HIKESHI: variants seen among roughly 807,000 people sequenced by gnomAD.
The protein encoded by HIKESHI is heat shock protein nuclear import factor hikeshi, also known as protein Hikeshi.
HIKESHI carries 13 observed loss-of-function variants against 25.7 expected under a neutral mutation model. The ratio of observed to expected loss-of-function variants is 0.51; its 90% confidence interval spans 0.33 to 0.80. The LOEUF is 0.80. Among genes scored for constraint, HIKESHI ranks in the 30% least tolerant of loss-of-function variants. The pLI is 0.02. For synonymous variants in HIKESHI, 76 were observed against 78.7 expected, an observed-to-expected ratio of 0.97 and a Z score of 0.18; for missense variants, 174 against 229.5, an observed-to-expected ratio of 0.76 and a Z score of 1.56.
At chr11:86,344,530 CT>C in intron 3 of HIKESHI, 72 bp from the exon 4 acceptor site, 1 of 911,848 alleles carries the variant, frequency 1.1e-6, no homozygotes, top group Admixed American at 2.6e-5. Context: ...TGTGAGAACA[CT>C]TTTAATTTAA....
At chr11:86,302,628 G>A in intron 1 of HIKESHI, 150 bp downstream of exon 1, 1 of 830,702 alleles carries the variant, frequency 1.2e-6, no homozygotes. Context: ...GGGAAGCTGG[G>A]TGCTCTCCTT....
intron 1 of HIKESHI, among the ~76,000 whole-genome samples, chr11:86,305,790 G>C (rs1946608376): frequency 6.6e-6 from 1 of 150,966 alleles, no homozygotes; most frequent in African/African-American, 2.4e-5. Context: ...GCCCAGGCTG[G>C]AGTGCAATGG....
At chr11:86,318,165 G>A (rs902864862) in intron 2 of HIKESHI, among the ~76,000 whole-genome samples, 32 of 151,490 alleles carry the variant, frequency 2.1e-4, no homozygotes, top group African/African-American at 6.1e-4. Context: ...ATAGCCGGGC[G>A]TGGTGGTGGG....
At chr11:86,335,271 T>C (rs1316712011) in intron 2 of HIKESHI, among the ~76,000 whole-genome samples, 1 of 152,208 alleles carries the variant, frequency 6.6e-6, no homozygotes, top group East Asian at 1.9e-4. Context: ...TGGAAAAGTA[T>C]CTACCTTGGG....
chr11:86,340,004 G>T (rs967375886), intron 3 of HIKESHI, among the ~76,000 whole-genome samples: 2 of 150,228 alleles, frequency 1.3e-5, no homozygotes, highest in Non-Finnish European at 3.0e-5. Flanking sequence ...TGCGGTGTTT[G>T]GTTTTCTGTC....
At chr11:86,319,763 G>C (rs1299442745) in intron 2 of HIKESHI, among the ~76,000 whole-genome samples, 1 of 152,024 alleles carries the variant, frequency 6.6e-6, no homozygotes, top group African/African-American at 2.4e-5. Context: ...GAAACTACTT[G>C]GACTTAGAGG....
At chr11:86,306,031 C>T (rs142868599) in intron 1 of HIKESHI, among the ~76,000 whole-genome samples, 8 of 152,098 alleles carry the variant, frequency 5.3e-5, no homozygotes, top group African/African-American at 1.7e-4. Flanking sequence ...AGGTGTGAGC[C>T]GCTGTGATCT....
chr11:86,341,661 G>A (rs1014129560), intron 3 of HIKESHI, among the ~76,000 whole-genome samples: 4 of 151,838 alleles, frequency 2.6e-5, no homozygotes, highest in African/African-American at 9.7e-5. Flanking sequence ...TTAATTTTTT[G>A]TAGAGATGGG....
At chr11:86,303,301 A>G (rs1946541574) in intron 1 of HIKESHI, 1 of 572,722 alleles carries the variant, frequency 1.7e-6, no homozygotes, top group African/African-American at 2.0e-5. Flanking sequence ...CCTTTGCTGA[A>G]TTGTCTTTTT....
intron 2 of HIKESHI, among the ~76,000 whole-genome samples, chr11:86,315,072 T>A (rs1399007300): frequency 6.6e-6 from 1 of 152,270 alleles, no homozygotes; most frequent in Non-Finnish European, 1.5e-5. Flanking sequence ...GTCTCTTAAA[T>A]CATTTTTTAT....
intron 2 of HIKESHI, among the ~76,000 whole-genome samples, chr11:86,310,736 C>T (rs116220837): frequency 0.086 from 13,039 of 152,052 alleles, 830 homozygotes; most frequent in African/African-American, 0.17. Flanking sequence ...AGATATGTGC[C>T]GTCAATACCA....
intron 2 of HIKESHI, among the ~76,000 whole-genome samples, chr11:86,337,143 TC>T (rs1947587008): frequency 6.6e-6 from 1 of 152,238 alleles, no homozygotes; most frequent in Non-Finnish European, 1.5e-5. Context: ...TGCAGTAGTT[TC>T]AATACATTTC....
chr11:86,306,074 G>A (rs1946615250), intron 1 of HIKESHI, among the ~76,000 whole-genome samples, 171 bp from the exon 2 acceptor site: 1 of 152,044 alleles, frequency 6.6e-6, no homozygotes, highest in Non-Finnish European at 1.5e-5. Flanking sequence ...ATTGCATTTA[G>A]TAGATTATGA....
intron 3 of HIKESHI, among the ~76,000 whole-genome samples, chr11:86,342,264 G>A (rs770739938): frequency 2.9e-4 from 44 of 152,088 alleles, no homozygotes; most frequent in Non-Finnish European, 5.3e-4. Context: ...GCCTTTATGT[G>A]TTCTGGATAA....
chr11:86,305,704 C>G (rs1946606367), intron 1 of HIKESHI, among the ~76,000 whole-genome samples: 1 of 151,998 alleles, frequency 6.6e-6, no homozygotes, highest in Non-Finnish European at 1.5e-5. Context: ...AAGTAAAATC[C>G]TTTCAGGGCA....
chr11:86,314,845 G>A (rs1946931488), intron 2 of HIKESHI, among the ~76,000 whole-genome samples: 1 of 152,136 alleles, frequency 6.6e-6, no homozygotes, highest in Non-Finnish European at 1.5e-5. Flanking sequence ...CATCACCTGG[G>A]AATCTGTTAG....
chr11:86,309,296 G>T (rs1420303170), intron 2 of HIKESHI, among the ~76,000 whole-genome samples: 2 of 152,134 alleles, frequency 1.3e-5, no homozygotes, highest in African/African-American at 4.8e-5. Context: ...TTGTGGTTTT[G>T]ATTTGCATTT....
At chr11:86,334,158 G>C (rs186855428) in intron 2 of HIKESHI, among the ~76,000 whole-genome samples, 1 of 151,970 alleles carries the variant, frequency 6.6e-6, no homozygotes, top group Non-Finnish European at 1.5e-5. Context: ...TGGATTTGCT[G>C]TACTTAAATA....
chr11:86,314,443 C>G (rs1241485171), intron 2 of HIKESHI, among the ~76,000 whole-genome samples: 1 of 151,946 alleles, frequency 6.6e-6, no homozygotes, highest in African/African-American at 2.4e-5. Context: ...GGTGGAACCC[C>G]CTGTATAGTA....
Sources: allele counts gnomAD v4.1 joint callset (sites outside exome capture counted in the v4.1 genomes callset), GRCh38; gene constraint gnomAD v4.1.1; transcripts MANE v1.5; gene names NCBI Gene and HGNC (gene_info 2026-07-23, HGNC 2026-07-21).